The following NEGR1 variants were observed in gnomAD, a reference collection of about 807,000 sequenced individuals.
NEGR1 encodes neuronal growth regulator 1.
NEGR1 carries 10 observed loss-of-function variants against 40.9 expected under a neutral mutation model. That is an observed-to-expected ratio of 0.24 (90% CI 0.15 to 0.42). NEGR1 has a LOEUF of 0.42. Among genes scored for constraint, NEGR1 ranks in the 10% least tolerant of loss-of-function variants. NEGR1 has a pLI of 1.00. For missense variants in NEGR1, 352 were observed against 438.9 expected, an observed-to-expected ratio of 0.80 and a Z score of 1.77; for synonymous variants, 185 against 166.8, an observed-to-expected ratio of 1.11 and a Z score of -0.84.
intron 6 of NEGR1, among the ~76,000 whole-genome samples, chr1:71,418,588 A>T (rs1569849332): frequency 6.6e-6 from 1 of 152,216 alleles, no homozygotes; most frequent in East Asian, 1.9e-4. Flanking sequence ...ACTTGGAATT[A>T]CCTTCTTCTA....
At chr1:72,090,191 T>G (rs571471884) in intron 1 of NEGR1, among the ~76,000 whole-genome samples, 8 of 152,038 alleles carry the variant, frequency 5.3e-5, no homozygotes, top group African/African-American at 1.9e-4. Flanking sequence ...CCCTGGGCTA[T>G]TGACACACAG....
At chr1:72,009,670 C>A (rs1005635448) in intron 1 of NEGR1, among the ~76,000 whole-genome samples, 2 of 152,048 alleles carry the variant, frequency 1.3e-5, no homozygotes, top group African/African-American at 4.8e-5. Flanking sequence ...TCAGGATTTA[C>A]AGTTTTGTCT....
At chr1:72,052,059 C>G (rs552887717) in intron 1 of NEGR1, among the ~76,000 whole-genome samples, 2 of 151,522 alleles carry the variant, frequency 1.3e-5, no homozygotes, top group East Asian at 3.9e-4. Flanking sequence ...GGGTATTTCT[C>G]TATTTCAGAT....
intron 1 of NEGR1, among the ~76,000 whole-genome samples, chr1:72,266,327 A>G (rs1236182506): frequency 6.6e-6 from 1 of 150,972 alleles, no homozygotes; most frequent in Admixed American, 6.6e-5. Context: ...ATAAGTACAT[A>G]CACTGTCAAA....
intron 1 of NEGR1, among the ~76,000 whole-genome samples, chr1:72,055,208 T>C (rs1021639211): frequency 2.6e-5 from 4 of 151,246 alleles, no homozygotes; most frequent in Non-Finnish European, 5.9e-5. Flanking sequence ...GCTTCACTAA[T>C]GTATAAGAAT....
intron 1 of NEGR1, among the ~76,000 whole-genome samples, chr1:72,145,240 A>G (rs888387899): frequency 2.0e-5 from 3 of 152,166 alleles, no homozygotes; most frequent in African/African-American, 7.2e-5. Flanking sequence ...AATAGTAAGT[A>G]GAAAGATATG....
chr1:72,008,813 T>C (rs1429492775), intron 1 of NEGR1, among the ~76,000 whole-genome samples: 1 of 152,092 alleles, frequency 6.6e-6, no homozygotes. Flanking sequence ...TAGACCACTT[T>C]CATTAGAATG....
intron 1 of NEGR1, among the ~76,000 whole-genome samples, chr1:72,193,989 A>G (rs1404436172): frequency 6.6e-6 from 1 of 151,826 alleles, no homozygotes; most frequent in Non-Finnish European, 1.5e-5. Flanking sequence ...GTATCAGATC[A>G]TTGCTGTCAT....
At chr1:71,699,503 G>A (rs1025476768) in intron 3 of NEGR1, among the ~76,000 whole-genome samples, 2 of 151,544 alleles carry the variant, frequency 1.3e-5, no homozygotes, top group African/African-American at 4.8e-5. Flanking sequence ...CTATTATAAC[G>A]AAGATACTCT....
At chr1:71,976,126 A>C (rs1446020598) in intron 1 of NEGR1, among the ~76,000 whole-genome samples, 2 of 152,234 alleles carry the variant, frequency 1.3e-5, no homozygotes, top group African/African-American at 4.8e-5. Flanking sequence ...AAATATACAC[A>C]TAAGACTCAT....
At chr1:72,092,285 C>T (rs928621681) in intron 1 of NEGR1, among the ~76,000 whole-genome samples, 1 of 152,038 alleles carries the variant, frequency 6.6e-6, no homozygotes, top group Non-Finnish European at 1.5e-5. Flanking sequence ...CAATCCTTGG[C>T]AAAGTTTAAT....
intron 2 of NEGR1, among the ~76,000 whole-genome samples, chr1:71,792,112 T>C (rs922935160): frequency 1.3e-5 from 2 of 152,148 alleles, no homozygotes; most frequent in African/African-American, 4.8e-5. Flanking sequence ...AAATGGCTAG[T>C]GTATTCCTTC....
At chr1:71,866,847 A>C (rs1184504897) in intron 2 of NEGR1, among the ~76,000 whole-genome samples, 1 of 152,194 alleles carries the variant, frequency 6.6e-6, no homozygotes, top group Admixed American at 6.5e-5. Flanking sequence ...GAAGATAAGA[A>C]AGGTTCTACA....
In NEGR1 at chr1:71,993,193, A is replaced by G. The variant is rs377435748; in HGVS notation, c.177-57882T>C. On this transcript the variant is annotated intron_variant, in intron 1 of 6. Coordinates refer to ENST00000357731, the MANE Select transcript of NEGR1 (RefSeq NM_173808.3). ...TGAAGATTAATACTTTCCACACCCT[A>G]GTCAGGGAGCTAAGTCAAGTTATAA... Among the ~76,000 whole-genome samples the G allele has an allele frequency of 4.6e-5, 7 of 152,342 alleles. No homozygotes were observed. In the South Asian group the frequency reaches 1.4e-3, roughly 32 times the overall value.
intron 3 of NEGR1, among the ~76,000 whole-genome samples, chr1:71,743,780 T>C (rs1655292988): frequency 6.6e-6 from 1 of 152,214 alleles, no homozygotes; most frequent in Admixed American, 6.5e-5. Context: ...TTGTGTAGCA[T>C]GCTTGAGTTT....
chr1:71,733,083 T>C (rs1654941686), intron 3 of NEGR1, among the ~76,000 whole-genome samples: 1 of 151,912 alleles, frequency 6.6e-6, no homozygotes, highest in Admixed American at 6.6e-5. Context: ...TTTTTTTTTT[T>C]TTTTCCTACA....
At chr1:71,638,047 CT>C (rs1413054813) in intron 4 of NEGR1, among the ~76,000 whole-genome samples, 1 of 152,040 alleles carries the variant, frequency 6.6e-6, no homozygotes, top group Non-Finnish European at 1.5e-5. Flanking sequence ...TCTTCCCAAG[CT>C]CACGTAGCTG....
At chr1:72,110,967 G>A (rs768879670) in intron 1 of NEGR1, among the ~76,000 whole-genome samples, 7 of 151,384 alleles carry the variant, frequency 4.6e-5, no homozygotes, top group Non-Finnish European at 8.9e-5. Flanking sequence ...GTATGAAATA[G>A]TTATTATATC....
intron 6 of NEGR1, among the ~76,000 whole-genome samples, chr1:71,505,319 G>A (rs1365178063): frequency 1.3e-5 from 2 of 150,780 alleles, no homozygotes; most frequent in Non-Finnish European, 2.9e-5. Context: ...ATGGAGTCTC[G>A]CTCTTTCGCC....
Sources: gnomAD v4.1 joint callset for allele counts (sites outside exome capture counted in the v4.1 genomes callset) on GRCh38, gnomAD v4.1.1 for gene constraint, MANE v1.5 for transcripts, NCBI Gene and HGNC (gene_info 2026-07-23, HGNC 2026-07-21) for gene names.